NPR3: variants seen among roughly 807,000 people sequenced by gnomAD.
NPR3 encodes the protein natriuretic peptide receptor 3.
A neutral mutation model predicts 54.5 loss-of-function variants in NPR3; 34 were observed. That is an observed-to-expected ratio of 0.62 (90% confidence interval 0.47 to 0.83). The LOEUF is 0.83. Among genes scored for constraint, NPR3 ranks in the 40% least tolerant of loss-of-function variants. The pLI is 0.00. For missense variants in NPR3, 674 were observed against 720.8 expected (o/e 0.94, Z 0.74); for synonymous variants, 289 against 297.1 (o/e 0.97, Z 0.28).
chr5:32,717,639 T>C (rs1013379083), intron 1 of NPR3, among the ~76,000 whole-genome samples: 4 of 152,236 alleles, frequency 2.6e-5, no homozygotes, highest in African/African-American at 7.2e-5. Context: ...GTCTGTTGGC[T>C]GCATAAATGT....
At chr5:32,699,974 C>T (rs922422394) in intron 1 of NPR3, among the ~76,000 whole-genome samples, 1 of 152,184 alleles carries the variant, frequency 6.6e-6, no homozygotes, top group African/African-American at 2.4e-5. Flanking sequence ...ATATACTATT[C>T]TAGTTTAAAA....
intron 2 of NPR3, among the ~76,000 whole-genome samples, chr5:32,733,808 T>A (rs555117042): frequency 6.6e-6 from 1 of 152,344 alleles, no homozygotes; most frequent in South Asian, 2.1e-4. Flanking sequence ...TCTTCTACAT[T>A]TGTTTTTAAC....
intron 3 of NPR3, among the ~76,000 whole-genome samples, chr5:32,758,284 G>A (rs551275297): frequency 1.2e-4 from 19 of 152,286 alleles, no homozygotes; most frequent in Admixed American, 4.6e-4. Context: ...TTCAGAACCT[G>A]TTATTGGTCT....
At position 32,789,990 on chromosome 5, in the gene NPR3, G is replaced by T; in HGVS notation, c.*3645G>T. On this transcript the variant is annotated 3_prime_UTR_variant, in exon 8 of 8. Coordinates refer to ENST00000265074, the MANE Select transcript of NPR3 (RefSeq NM_001204375.2). ...GATGCAGACATGAGAGTAAATGTCAGCCCAAATTAGGCCCCTCGACCTACA... is the reference window on the plus strand; with the variant it reads ...GATGCAGACATGAGAGTAAATGTCATCCCAAATTAGGCCCCTCGACCTACA... 3.7e-6 allele frequency: 1 copy of T among 273,278 alleles called. No individual in the cohort carries two copies. The highest frequency in any genetic ancestry group is 7.6e-6 in the Non-Finnish European group (1 of 130,752). 16.9% of individuals were successfully genotyped at this position (273,278 alleles called of 1,614,324 possible). A position where few individuals can be genotyped will look rare whatever the true frequency, so the allele number is the denominator to read the frequency against.
intron 1 of NPR3, among the ~76,000 whole-genome samples, chr5:32,719,096 A>G (rs1738713426): frequency 6.6e-6 from 1 of 152,230 alleles, no homozygotes; most frequent in South Asian, 2.1e-4. Context: ...CCTTTTCTGC[A>G]TCTATTGAGA....
At chr5:32,773,264 T>G (rs923719275) in intron 3 of NPR3, among the ~76,000 whole-genome samples, 1 of 152,106 alleles carries the variant, frequency 6.6e-6, no homozygotes, top group African/African-American at 2.4e-5. Context: ...TTGTACAGAG[T>G]TTTTTTGTAA....
At chr5:32,772,031 C>G (rs914693048) in intron 3 of NPR3, among the ~76,000 whole-genome samples, 2 of 152,142 alleles carry the variant, frequency 1.3e-5, no homozygotes, top group African/African-American at 4.8e-5. Flanking sequence ...AGCATGAAGA[C>G]TTTCTCAAGC....
chr5:32,706,837 C>G (rs1430488197), upstream of NPR3, among the ~76,000 whole-genome samples: 2 of 151,874 alleles, frequency 1.3e-5, no homozygotes, highest in Non-Finnish European at 1.5e-5. Context: ...TTTCCAGGAC[C>G]CTTGGTTTTT....
In NPR3 at chr5:32,790,549, C is replaced by T. The variant is rs1195466046; in HGVS notation, c.*4204C>T. 1 of 166,552 alleles carries T rather than the reference C, an allele frequency of 6.0e-6. No homozygotes were observed. Among genetic ancestry groups the T allele is most frequent in the Non-Finnish European group, 1.5e-5 (1 of 68,132 alleles). The allele number at this position is 166,552 out of a possible 1,614,324, so 10.3% of individuals were successfully genotyped here. A position where few individuals can be genotyped will look rare whatever the true frequency, so the allele number is the denominator to read the frequency against. ...CACTTGCTCTCGGGGAAGTTCAAGCCTGTGATGTGCATAAACTCCAACAAG... is the reference window on the plus strand; with the variant it reads ...CACTTGCTCTCGGGGAAGTTCAAGCTTGTGATGTGCATAAACTCCAACAAG... On this transcript the variant is annotated 3_prime_UTR_variant, in exon 8 of 8. Coordinates refer to ENST00000265074, the MANE Select transcript of NPR3 (RefSeq NM_001204375.2).
intron 3 of NPR3, among the ~76,000 whole-genome samples, chr5:32,769,115 A>T (rs1050299960): frequency 2.0e-5 from 3 of 152,230 alleles, no homozygotes; most frequent in Non-Finnish European, 4.4e-5. Context: ...TCAGTAAGAA[A>T]GAGACCTCCC....
intron 3 of NPR3, among the ~76,000 whole-genome samples, chr5:32,759,285 T>C (rs10051570): frequency 0.21 from 31,375 of 152,122 alleles, 3,352 homozygotes; most frequent in South Asian, 0.27. Flanking sequence ...AATCTGGGTG[T>C]TCCTGTATTG....
Position 32,698,045 on chromosome 5 carries a change from C to A in NPR3, c.100+8859C>A, listed in dbSNP as rs541126883. Among the ~76,000 whole-genome samples the A allele has an allele frequency of 1.8e-4, 27 of 151,726 alleles. No individual in the cohort carries two copies. In the East Asian group the frequency reaches 5.0e-3, roughly 28 times the overall value. On this transcript the variant is annotated intron_variant, in intron 1 of 5. Transcript: ENST00000509104. ...CTACCAATTTTGGGTTTGATTTTCT[C>A]TTCCTTTTCTAGTTCTTTAAGATAC...
intron 2 of NPR3, among the ~76,000 whole-genome samples, chr5:32,738,249 TCTA>T (rs1739853749): frequency 6.6e-6 from 1 of 152,164 alleles, no homozygotes; most frequent in Admixed American, 6.6e-5. Context: ...CAACCCGTCA[TCTA>T]CATTAGATAT....
Position 32,786,364 on chromosome 5 carries a change from T to G in NPR3, c.*19T>G, listed in dbSNP as rs761405935. The G allele has an allele frequency of 6.8e-6, 7 of 1,033,226 alleles. No individual in the cohort carries two copies. The South Asian group carries it at 7.0e-5, about 10-fold the overall frequency. The allele number at this position is 1,033,226 out of a possible 1,614,324, so 64.0% of individuals were successfully genotyped here. On this transcript the variant is annotated 3_prime_UTR_variant, in exon 8 of 8. Transcript: ENST00000265074. ...AGCTTAAAGGAAGCCCCCCACTTTT[T>G]TTTTTTCTGCCTGAGATTCTTTAAG...
chr5:32,742,897 C>T (rs947438105), intron 3 of NPR3, among the ~76,000 whole-genome samples: 4 of 152,054 alleles, frequency 2.6e-5, no homozygotes, highest in African/African-American at 4.8e-5. Flanking sequence ...TTACTTTAGG[C>T]GTTATGTATT....
chr5:32,712,276 A>T lies in NPR3; in HGVS notation c.500A>T (p.Lys167Met). 6.2e-7 allele frequency: 1 copy of T among 1,613,050 alleles called. No homozygotes were observed. The highest frequency in any genetic ancestry group is 1.7e-5 in the Admixed American group (1 of 60,036). ...GCGCTGGCCGCTGGCTTCCAGCACAAGGACTCTGAGTACTCGCACCTCACG... is the reference window on the plus strand; with the variant it reads ...GCGCTGGCCGCTGGCTTCCAGCACATGGACTCTGAGTACTCGCACCTCACG... ...AGALAAGFQH[K>M]DSEYSHLTRV... Residue 167 changes from lysine (K) to methionine (M), a missense_variant, in exon 1 of 8, where the codon AAG becomes ATG. By Grantham distance (95) the Lys-to-Met change is moderately conservative (BLOSUM62 -1). Coordinates refer to ENST00000265074, the MANE Select transcript of NPR3 (RefSeq NM_001204375.2).
upstream of NPR3, among the ~76,000 whole-genome samples, chr5:32,706,787 A>AT (rs1195883376): frequency 2.6e-5 from 4 of 151,804 alleles, no homozygotes; most frequent in African/African-American, 7.3e-5. Flanking sequence ...CTCATTTTTT[A>AT]TTTTTTTCAG....
intron 1 of NPR3, among the ~76,000 whole-genome samples, chr5:32,698,298 C>T (rs768976689): frequency 6.6e-6 from 1 of 152,076 alleles, no homozygotes; most frequent in African/African-American, 2.4e-5. Context: ...ATATAGTTTT[C>T]AAATTCCCCT....
intron 1 of NPR3, 64 bp from the exon 2 acceptor site, chr5:32,724,634 T>A (rs1739041438): frequency 1.3e-6 from 2 of 1,596,516 alleles, no homozygotes; most frequent in Non-Finnish European, 1.7e-6. Context: ...CCCTTACTGG[T>A]GTCAGCATGC....
Sources: allele counts gnomAD v4.1 joint callset (sites outside exome capture counted in the v4.1 genomes callset), GRCh38; gene constraint gnomAD v4.1.1; transcripts MANE v1.5; gene names NCBI Gene and HGNC (gene_info 2026-07-23, HGNC 2026-07-21).